ITIH2: variants seen among roughly 807,000 people sequenced by gnomAD.
ITIH2 encodes the protein inter-alpha-trypsin inhibitor heavy chain 2, also known as inter-alpha-trypsin inhibitor heavy chain H2.
Under a neutral mutation model 104.4 loss-of-function variants are expected in ITIH2, and 103 were observed. That is an observed-to-expected ratio of 0.99 (90% CI 0.84 to 1.16). ITIH2 has a LOEUF of 1.16. Ranked by LOEUF, ITIH2 falls within the 50% of genes most tolerant of loss-of-function variation. The pLI, the probability that ITIH2 is intolerant of heterozygous loss-of-function variation, is 0.00. For synonymous variants in ITIH2, 436 were observed against 435.4 expected (o/e 1.00, Z -0.02); for missense variants, 1,108 against 1,162.4 (o/e 0.95, Z 0.68).
chr10:7,714,281 C>T (rs1834826186), intron 5 of ITIH2, among the ~76,000 whole-genome samples: 2 of 150,468 alleles, frequency 1.3e-5, no homozygotes, highest in Admixed American at 6.6e-5. Flanking sequence ...ACGCCATTCT[C>T]CTGCCTCAGC....
intron 1 of ITIH2, among the ~76,000 whole-genome samples, chr10:7,704,449 C>G (rs1834725836): frequency 6.6e-6 from 1 of 152,158 alleles, no homozygotes; most frequent in Non-Finnish European, 1.5e-5. Context: ...TTAGAAAATA[C>G]CTACATTTTT....
intron 4 of ITIH2, among the ~76,000 whole-genome samples, chr10:7,710,569 C>T (rs1032178514): frequency 2.0e-5 from 3 of 152,064 alleles, no homozygotes; most frequent in African/African-American, 7.2e-5. Flanking sequence ...ACTTCTCATC[C>T]ACTTTTGTCT....
In ITIH2 at chr10:7,723,531, T is replaced by G. The variant is rs1443600214; in HGVS notation, c.948T>G (p.Asp316Glu). ...CCAAAAACATCCTCTTTGTCATCGATGTGAGTGGCTCCATGTGGGGAGTTA... is the reference window on the plus strand; with the variant it reads ...CCAAAAACATCCTCTTTGTCATCGAGGTGAGTGGCTCCATGTGGGGAGTTA... Reference protein sequence around the residue: ...PIPKNILFVIDVSGSMWGVKM... With the variant: ...PIPKNILFVIEVSGSMWGVKM... Residue 316 changes from aspartate to glutamate, a missense_variant, in exon 9 of 21, where the codon GAT becomes GAG. Transcript: ENST00000358415. 6.2e-7 allele frequency: 1 copy of G among 1,613,756 alleles called. No individual in the cohort carries two copies. The highest frequency in any genetic ancestry group is 1.3e-5 in the African/African-American group (1 of 74,910).
At chr10:7,723,748 C>T (rs540227065) in intron 9 of ITIH2, among the ~76,000 whole-genome samples, 181 bp downstream of exon 9, 1 of 152,294 alleles carries the variant, frequency 6.6e-6, no homozygotes, top group South Asian at 2.1e-4. Flanking sequence ...ACAGGACATA[C>T]ACCTCCGTCT....
At chr10:7,720,322 C>A (rs1176847179) in intron 6 of ITIH2, among the ~76,000 whole-genome samples, 3 of 152,060 alleles carry the variant, frequency 2.0e-5, no homozygotes, top group African/African-American at 7.2e-5. Flanking sequence ...AAAATATAAA[C>A]AAACAAATCA....
At position 7,721,915 on chromosome 10, in the gene ITIH2, A is replaced by G. The variant is rs1228674926; in HGVS notation, c.867+138A>G. 1.1e-5 allele frequency: 9 copies of G among 827,930 alleles called. No homozygotes were observed. In the Admixed American group the frequency reaches 1.2e-4, roughly 11 times the overall value. The allele number at this position is 827,930 out of a possible 1,614,324, so 51.3% of individuals were successfully genotyped here. A position where few individuals can be genotyped will look rare whatever the true frequency, so the allele number is the denominator to read the frequency against. On this transcript the variant is annotated intron_variant, in intron 8 of 20. Coordinates refer to ENST00000358415, the MANE Select transcript of ITIH2 (RefSeq NM_002216.3). ...TAGCTGCAGAGAAGGGACTAAAATC[A>G]TATTCTTTGAATATACCGCTAAGCA...
intron 2 of ITIH2, 111 bp from the exon 3 acceptor site, chr10:7,707,090 C>T: frequency 3.1e-6 from 2 of 650,048 alleles, no homozygotes; most frequent in Non-Finnish European, 5.5e-6. Context: ...TGAATAACAG[C>T]TCAGTATTGA....
chr10:7,738,338 C>T (rs1217402516), intron 15 of ITIH2, among the ~76,000 whole-genome samples: 1 of 140,152 alleles, frequency 7.1e-6, no homozygotes, highest in Non-Finnish European at 1.5e-5. Flanking sequence ...AGACTTCGCT[C>T]CCCGGCCTGC....
At chr10:7,737,531 T>C (rs1835068315) in intron 15 of ITIH2, among the ~76,000 whole-genome samples, 1 of 134,942 alleles carries the variant, frequency 7.4e-6, no homozygotes, top group Non-Finnish European at 1.5e-5. Flanking sequence ...TACTATGTAT[T>C]CTATATAATA....
At chr10:7,727,917 A>G (rs887491314) in intron 11 of ITIH2, 89 bp downstream of exon 11, 41 of 1,437,654 alleles carry the variant, frequency 2.9e-5, no homozygotes, top group Non-Finnish European at 3.6e-5. Flanking sequence ...CTCTAATGGC[A>G]TTTGCCTGAG....
At chr10:7,744,030 A>G (rs1032423370) in intron 17 of ITIH2, 52 bp from the exon 18 acceptor site, 15 of 1,414,580 alleles carry the variant, frequency 1.1e-5, no homozygotes, top group Non-Finnish European at 1.5e-5. Flanking sequence ...GTACCCACAC[A>G]TGCAAAATAA....
rs528710682 is a variant in ITIH2, at chr10:7,715,422, A to G, written c.467+2137A>G. On this transcript the variant is annotated intron_variant, in intron 5 of 20. Coordinates refer to ENST00000358415, the MANE Select transcript of ITIH2 (RefSeq NM_002216.3). ...GTGACAGAGCAAGATTCCTTCTCAA[A>G]AAAAAAAAAATCATTTTGCCATCTT... is the stretch of plus-strand genomic sequence containing the variant. Among the ~76,000 whole-genome samples, 254 of 152,168 alleles carry G rather than the reference A, an allele frequency of 1.7e-3. 1 individual carries two copies. The Middle Eastern group carries it at 0.02, about 12-fold the overall frequency.
rs1364776994 is a variant in ITIH2, at chr10:7,731,793, T to C, written c.1462-18T>C. 1 of 1,552,896 alleles carries C rather than the reference T, an allele frequency of 6.4e-7. No individual in the cohort carries two copies. The highest frequency in any genetic ancestry group is 1.4e-5 in the African/African-American group (1 of 72,938). ...GCAGTAGGAACATAATTTCTCTCTC[T>C]CTCTCTGTGAATTGTAGAAATTCTA... On this transcript the variant is annotated intron_variant, in intron 12 of 20. Transcript: ENST00000358415.
At chr10:7,713,431 G>A (rs545236790) in intron 5 of ITIH2, 146 bp downstream of exon 5, 16 of 620,514 alleles carry the variant, frequency 2.6e-5, no homozygotes, top group Admixed American at 8.7e-5. Context: ...TTAGAATTAG[G>A]CACTGCAGTT....
At chr10:7,738,805 A>T (rs948301155) in intron 16 of ITIH2, 47 bp downstream of exon 16, 8 of 1,520,344 alleles carry the variant, frequency 5.3e-6, no homozygotes, top group Non-Finnish European at 6.2e-6. Flanking sequence ...AGCCGACCAT[A>T]ATCCTGGGAA....
intron 16 of ITIH2, among the ~76,000 whole-genome samples, 159 bp downstream of exon 16, chr10:7,738,917 CTTATT>C: frequency 6.6e-6 from 1 of 152,182 alleles, no homozygotes; most frequent in South Asian, 2.1e-4. Context: ...AGAAATACAG[CTTATT>C]TTGTTTGTTT....
chr10:7,711,983 G>A (rs1834800147), intron 4 of ITIH2, among the ~76,000 whole-genome samples: 1 of 152,138 alleles, frequency 6.6e-6, no homozygotes, highest in African/African-American at 2.4e-5. Context: ...GTATAGAGAT[G>A]AGATGCAAAT....
Position 7,747,478 on chromosome 10 carries a change from TA to T in ITIH2, c.2693+775del, listed in dbSNP as rs1564308951. ...ATTCTTAGTGAATATGCCATTCAAT[TA>T]GTATCAGTTTATGGGAGGAATGAGG... On this transcript the variant is annotated intron_variant, in intron 20 of 20. Transcript: ENST00000358415. Among the ~76,000 whole-genome samples, 3 of 152,212 alleles carry T rather than the reference TA, an allele frequency of 2.0e-5. No individual in the cohort carries two copies. The East Asian group carries it at 5.8e-4, about 29-fold the overall frequency.
At chr10:7,744,598 T>C (rs1322923613) in intron 18 of ITIH2, among the ~76,000 whole-genome samples, 193 bp from the exon 19 acceptor site, 3 of 152,184 alleles carry the variant, frequency 2.0e-5, no homozygotes, top group Non-Finnish European at 4.4e-5. Context: ...AACGCCATGA[T>C]TGTGTCCTCT....
Sources: allele counts gnomAD v4.1 joint callset (sites outside exome capture counted in the v4.1 genomes callset), GRCh38; gene constraint gnomAD v4.1.1; transcripts MANE v1.5; gene names NCBI Gene and HGNC (gene_info 2026-07-23, HGNC 2026-07-21).